UBE2U: variants seen among roughly 807,000 people sequenced by gnomAD.
UBE2U encodes ubiquitin conjugating enzyme E2 U.
A neutral mutation model predicts 41.2 loss-of-function variants in UBE2U; 39 were observed. The observed-to-expected ratio is 0.95, with a 90% CI of 0.73 to 1.24. The LOEUF (loss-of-function observed/expected upper bound fraction) is 1.24, where lower values mean the gene tolerates loss of function less well. Among genes scored for constraint, UBE2U ranks in the 50% most tolerant of loss-of-function variants. UBE2U has a pLI of 0.00. For missense variants in UBE2U, 336 were observed against 363.1 expected (o/e 0.93, Z 0.61); for synonymous variants, 107 against 117.8 (o/e 0.91, Z 0.60).
chr1:64,228,851 G>C (rs1471036938), intron 6 of UBE2U, among the ~76,000 whole-genome samples: 1 of 131,040 alleles, frequency 7.6e-6, no homozygotes, highest in Non-Finnish European at 1.5e-5. Context: ...ACCTTGCCCA[G>C]GTAATTTTTT....
chr1:64,250,954 C>T (rs945624879), intron 8 of UBE2U, among the ~76,000 whole-genome samples: 2 of 151,322 alleles, frequency 1.3e-5, no homozygotes, highest in South Asian at 2.1e-4. Context: ...AGGAGATACA[C>T]CTAATGTTAA....
chr1:64,244,178 A>G, intron 8 of UBE2U: 2 of 1,603,878 alleles, frequency 1.2e-6, no homozygotes, highest in South Asian at 1.1e-5. Context: ...CATGAGCTTC[A>G]GAGTCAAACA....
chr1:64,221,737 G>A (rs990252884), intron 6 of UBE2U, among the ~76,000 whole-genome samples: 1 of 152,170 alleles, frequency 6.6e-6, no homozygotes, highest in Non-Finnish European at 1.5e-5. Flanking sequence ...TGTTGTAACA[G>A]TGTTTACTTT....
intron 8 of UBE2U, among the ~76,000 whole-genome samples, chr1:64,258,294 T>G (rs1645126887): frequency 6.6e-6 from 1 of 152,208 alleles, no homozygotes; most frequent in South Asian, 2.1e-4. Flanking sequence ...TAGTATTGTA[T>G]AAGTGAGGTA....
rs530971144 is a variant in UBE2U, at chr1:64,262,786, C to T, written c.769+2092C>T. On this transcript the variant is annotated intron_variant, in intron 9 of 9. Coordinates refer to ENST00000371077, the MANE Select transcript of UBE2U (RefSeq NM_001366232.2). ...CACTCAGAAAGGAGGAGTTTACACT[C>T]AGGTGTAAATACCAGGATGCAGGGA... Among the ~76,000 whole-genome samples the T allele has an allele frequency of 1.3e-5, 2 of 152,272 alleles. 1 individual carries two copies. The highest frequency in any genetic ancestry group is 1.3e-4 in the Admixed American group (2 of 15,304).
chr1:64,232,496 G>A (rs1644585555), intron 6 of UBE2U, 65 bp from the exon 7 acceptor site: 1 of 1,209,242 alleles, frequency 8.3e-7, no homozygotes, highest in Non-Finnish European at 1.2e-6. Context: ...CCATATAGCA[G>A]TACAATAATT....
intron 8 of UBE2U, among the ~76,000 whole-genome samples, chr1:64,257,030 T>A (rs1285791006): frequency 6.6e-6 from 1 of 151,826 alleles, no homozygotes; most frequent in Non-Finnish European, 1.5e-5. Flanking sequence ...ATTAGAGAAA[T>A]GTAAATCAAA....
chr1:64,238,330 G>C (rs1644707941), intron 7 of UBE2U, among the ~76,000 whole-genome samples: 1 of 151,814 alleles, frequency 6.6e-6, no homozygotes, highest in Admixed American at 6.6e-5. Flanking sequence ...CTTGAACCTG[G>C]AAGATGGAGG....
chr1:64,253,622 GA>G (rs1459006276), intron 8 of UBE2U, among the ~76,000 whole-genome samples: 1 of 152,152 alleles, frequency 6.6e-6, no homozygotes, highest in Non-Finnish European at 1.5e-5. Context: ...CATTTTTAAA[GA>G]AAAGAATTTC....
chr1:64,211,888 T>C (rs1569960305), intron 4 of UBE2U, among the ~76,000 whole-genome samples: 1 of 152,236 alleles, frequency 6.6e-6, no homozygotes, highest in South Asian at 2.1e-4. Context: ...TATCTGAAGA[T>C]AAATAATTAC....
chr1:64,219,831 C>T (rs1652311625), intron 5 of UBE2U, among the ~76,000 whole-genome samples: 1 of 152,190 alleles, frequency 6.6e-6, no homozygotes, highest in African/African-American at 2.4e-5. Context: ...ATCTCCTGAC[C>T]TCATAATCTG....
chr1:64,238,134 C>A (rs1169971744), intron 7 of UBE2U, among the ~76,000 whole-genome samples: 1 of 152,058 alleles, frequency 6.6e-6, no homozygotes, highest in Non-Finnish European at 1.5e-5. Flanking sequence ...CTGGACACAG[C>A]GGGCTTACAC....
chr1:64,264,688 C>T (rs1645228490), intron 9 of UBE2U, among the ~76,000 whole-genome samples: 1 of 152,162 alleles, frequency 6.6e-6, no homozygotes, highest in Admixed American at 6.5e-5. Flanking sequence ...CGCAGTGGCT[C>T]ACGCCTGTAA....
chr1:64,255,670 C>G (rs1645078734), intron 8 of UBE2U, among the ~76,000 whole-genome samples: 1 of 151,796 alleles, frequency 6.6e-6, no homozygotes, highest in Non-Finnish European at 1.5e-5. Flanking sequence ...ACTGAATAGG[C>G]AAAAGCTGGA....
At chr1:64,246,069 AT>A (rs1644915222) in intron 8 of UBE2U, among the ~76,000 whole-genome samples, 1 of 152,330 alleles carries the variant, frequency 6.6e-6, no homozygotes, top group East Asian at 1.9e-4. Context: ...TCAAGTGTAC[AT>A]TTTGTGAAAA....
chr1:64,243,897 T>C (rs1420194098), intron 8 of UBE2U, among the ~76,000 whole-genome samples: 1 of 152,200 alleles, frequency 6.6e-6, no homozygotes, highest in Non-Finnish European at 1.5e-5. Context: ...ATTCTGGCTC[T>C]GCCAATTACC....
chr1:64,240,227 A>G (rs768893489), intron 7 of UBE2U, among the ~76,000 whole-genome samples: 15 of 152,184 alleles, frequency 9.9e-5, no homozygotes, highest in Non-Finnish European at 2.1e-4. Context: ...CTTCAAACCA[A>G]TTCAAGGTCC....
At chr1:64,239,092 G>GAAGAAGAAGAAGAAGAAGAAA (rs1644737300) in intron 7 of UBE2U, among the ~76,000 whole-genome samples, 8 of 42,796 alleles carry the variant, frequency 1.9e-4, no homozygotes, top group Non-Finnish European at 3.5e-4. Context: ...AAGAGGAAGA[G>GAAGAAGAAGAAGAAGAAGAAA]GAAGAAGAAG....
chr1:64,260,870 A>C (rs1351613295), intron 9 of UBE2U, among the ~76,000 whole-genome samples, 176 bp downstream of exon 9: 6 of 152,174 alleles, frequency 3.9e-5, no homozygotes, highest in Non-Finnish European at 8.8e-5. Context: ...TTGGTAAATT[A>C]GTCACATAGG....
Sources: gnomAD v4.1 joint callset for allele counts (sites outside exome capture counted in the v4.1 genomes callset) on GRCh38, gnomAD v4.1.1 for gene constraint, MANE v1.5 for transcripts, NCBI Gene and HGNC (gene_info 2026-07-23, HGNC 2026-07-21) for gene names.